Variants in ADAD1 observed in about 807,000 individuals in gnomAD.
The protein encoded by ADAD1 is adenosine deaminase domain-containing protein 1.
A neutral mutation model predicts 66.8 loss-of-function variants in ADAD1; 46 were observed. The ratio of observed to expected loss-of-function variants is 0.69; its 90% CI spans 0.54 to 0.88. ADAD1 has a LOEUF of 0.88. Ranked by LOEUF, ADAD1 falls within the 40% of genes least tolerant of loss-of-function variation. ADAD1 has a pLI of 0.00. For synonymous variants in ADAD1, 248 were observed against 229.4 expected, an observed-to-expected ratio of 1.08 and a Z score of -0.73; for missense variants, 617 against 681.8, an observed-to-expected ratio of 0.91 and a Z score of 1.06.
intron 11 of ADAD1, among the ~76,000 whole-genome samples, chr4:122,420,202 G>A (rs1397081902): frequency 6.6e-6 from 1 of 152,214 alleles, no homozygotes; most frequent in African/African-American, 2.4e-5. Flanking sequence ...ACACATGAGT[G>A]TATGTTAGCT....
At chr4:122,393,825 T>C (rs569964303) in intron 6 of ADAD1, among the ~76,000 whole-genome samples, 168 bp downstream of exon 6, 1 of 152,222 alleles carries the variant, frequency 6.6e-6, no homozygotes, top group Non-Finnish European at 1.5e-5. Flanking sequence ...ATGCTAAAAA[T>C]GAAAGAAACA....
chr4:122,414,668 G>T (rs571892785), intron 10 of ADAD1, among the ~76,000 whole-genome samples: 2 of 152,194 alleles, frequency 1.3e-5, no homozygotes, highest in African/African-American at 4.8e-5. Flanking sequence ...CAAAGATTCT[G>T]TTGTTGCAAG....
chr4:122,426,738 A>G (rs772781555), intron 12 of ADAD1, among the ~76,000 whole-genome samples: 2 of 152,252 alleles, frequency 1.3e-5, no homozygotes, highest in Non-Finnish European at 2.9e-5. Flanking sequence ...AATTTGTATA[A>G]TTATCTCAAA....
In ADAD1 at chr4:122,421,323, G is replaced by T. The variant is rs778239614; in HGVS notation, c.1550G>T (p.Arg517Leu). Reference sequence around the variant, plus strand: ...CTTTGTAAGGCTGCAATGTTAAGTCGGTTTAACCTGCTTGCCAAAGAAGCT... The same window carrying T: ...CTTTGTAAGGCTGCAATGTTAAGTCTGTTTAACCTGCTTGCCAAAGAAGCT... ...SRLCKAAMLS[R>L]FNLLAKEAKK... Residue 517 changes from arginine to leucine, a missense_variant, in exon 12 of 13, where the codon CGG becomes CTG. Physicochemically the swap from Arg to Leu is moderately radical, Grantham distance 102 (BLOSUM62 -2). Coordinates refer to ENST00000296513, the MANE Select transcript of ADAD1 (RefSeq NM_139243.4). The T allele has an allele frequency of 6.2e-7, 1 of 1,606,038 alleles. No homozygotes were observed.
chr4:122,409,367 C>A lies in ADAD1; in HGVS notation c.848+1336C>A, dbSNP rs545717211. On this transcript the variant is annotated intron_variant, in intron 8 of 12. Coordinates refer to ENST00000296513, the MANE Select transcript of ADAD1 (RefSeq NM_139243.4). ...CTTTATTCCTACTAAATTAGGAATTCTTTTTTAAATTTTATAATTTCTTAT... is the reference window on the plus strand; with the variant it reads ...CTTTATTCCTACTAAATTAGGAATTATTTTTTAAATTTTATAATTTCTTAT... 2.2e-4 allele frequency among the ~76,000 whole-genome samples: 34 copies of A among 151,850 alleles called. No individual in the cohort carries two copies. In the East Asian group the frequency reaches 6.4e-3, roughly 29 times the overall value.
intron 6 of ADAD1, among the ~76,000 whole-genome samples, chr4:122,394,615 A>C (rs1159539772): frequency 6.6e-6 from 1 of 152,212 alleles, no homozygotes; most frequent in Non-Finnish European, 1.5e-5. Flanking sequence ...AGTTAGATAT[A>C]GTGTGTGGCC....
chr4:122,394,406 T>C (rs1403348192), intron 6 of ADAD1, among the ~76,000 whole-genome samples: 1 of 152,196 alleles, frequency 6.6e-6, no homozygotes, highest in African/African-American at 2.4e-5. Context: ...GTTTAGAGTA[T>C]TTGTAAGAGG....
intron 5 of ADAD1, among the ~76,000 whole-genome samples, chr4:122,391,897 A>G (rs1795470043): frequency 6.6e-6 from 1 of 152,030 alleles, no homozygotes; most frequent in South Asian, 2.1e-4. Context: ...TTTAGTAAAG[A>G]TAGGGTTTCG....
intron 11 of ADAD1, 133 bp from the exon 12 acceptor site, chr4:122,421,127 TA>T (rs35017745): frequency 0.03 from 15,776 of 525,572 alleles, 587 homozygotes; most frequent in African/African-American, 0.15. Flanking sequence ...GCCTCTTATG[TA>T]AAAAAAAAAT....
At chr4:122,422,121 C>CTCTTT (rs372494320) in intron 12 of ADAD1, among the ~76,000 whole-genome samples, 1 of 113,856 alleles carries the variant, frequency 8.8e-6, no homozygotes, top group Non-Finnish European at 1.7e-5. Flanking sequence ...CATGAACATC[C>CTCTTT]TTTTTTTTTT....
chr4:122,425,154 G>A (rs1448553660), intron 12 of ADAD1, among the ~76,000 whole-genome samples: 1 of 151,982 alleles, frequency 6.6e-6, no homozygotes, highest in Non-Finnish European at 1.5e-5. Flanking sequence ...CAACTCCACA[G>A]AAAATCAGTA....
intron 7 of ADAD1, among the ~76,000 whole-genome samples, chr4:122,399,856 C>G (rs1795891138): frequency 6.7e-6 from 1 of 149,552 alleles, no homozygotes; most frequent in Non-Finnish European, 1.5e-5. Context: ...GATTTTGTAT[C>G]CTGGAACTTT....
At chr4:122,393,512 A>G (rs1442008726) in intron 5 of ADAD1, 77 bp from the exon 6 acceptor site, 1 of 1,375,446 alleles carries the variant, frequency 7.3e-7, no homozygotes, top group Non-Finnish European at 9.8e-7. Flanking sequence ...TTGCTGTTTT[A>G]TTACAGAATA....
intron 10 of ADAD1, among the ~76,000 whole-genome samples, chr4:122,413,041 G>A (rs866453009): frequency 6.6e-6 from 1 of 152,204 alleles, no homozygotes; most frequent in Middle Eastern, 3.4e-3. Context: ...GCCATAAGTT[G>A]TAGTGACCGT....
intron 7 of ADAD1, among the ~76,000 whole-genome samples, chr4:122,404,305 C>T (rs1228014260): frequency 6.6e-6 from 1 of 152,180 alleles, no homozygotes; most frequent in African/African-American, 2.4e-5. Flanking sequence ...TACTCAAGGA[C>T]CCCTGTGAGA....
At chr4:122,409,453 A>G (rs963551899) in intron 8 of ADAD1, among the ~76,000 whole-genome samples, 1 of 152,134 alleles carries the variant, frequency 6.6e-6, no homozygotes, top group Non-Finnish European at 1.5e-5. Flanking sequence ...ATTTTGACAC[A>G]GGCATACAGT....
intron 11 of ADAD1, among the ~76,000 whole-genome samples, chr4:122,417,754 A>G (rs974519072): frequency 6.6e-6 from 1 of 152,254 alleles, no homozygotes; most frequent in Non-Finnish European, 1.5e-5. Context: ...CTGTGTGTTA[A>G]ACGACAAAGA....
At chr4:122,395,405 G>A (rs1040460645) in intron 6 of ADAD1, among the ~76,000 whole-genome samples, 6 of 152,038 alleles carry the variant, frequency 3.9e-5, no homozygotes, top group Non-Finnish European at 8.8e-5. Flanking sequence ...TAATGAGGCC[G>A]GGCGCGGTGG....
At chr4:122,421,128 A>T (rs1796982340) in intron 11 of ADAD1, 133 bp from the exon 12 acceptor site, 1 of 404,192 alleles carries the variant, frequency 2.5e-6, no homozygotes, top group East Asian at 6.9e-5. Context: ...CCTCTTATGT[A>T]AAAAAAAAAT....
Sources: gnomAD v4.1 joint callset for allele counts (sites outside exome capture counted in the v4.1 genomes callset) on GRCh38, gnomAD v4.1.1 for gene constraint, MANE v1.5 for transcripts, NCBI Gene and HGNC (gene_info 2026-07-23, HGNC 2026-07-21) for gene names.